Variants in CREB3L1 observed in about 807,000 individuals in gnomAD.
CREB3L1 encodes cAMP responsive element binding protein 3 like 1.
CREB3L1 carries 33 observed loss-of-function variants against 54.5 expected under a neutral mutation model. That is an observed-to-expected ratio of 0.61 (90% CI 0.46 to 0.81). CREB3L1 has a LOEUF of 0.81. Ranked by LOEUF, CREB3L1 falls within the 30% of genes least tolerant of loss-of-function variation. The pLI, the probability that CREB3L1 is intolerant of heterozygous loss-of-function variation, is 0.00. For synonymous variants in CREB3L1, 284 were observed against 286.4 expected, an observed-to-expected ratio of 0.99 and a Z score of 0.08; for missense variants, 656 against 673.3, an observed-to-expected ratio of 0.97 and a Z score of 0.29.
intron 9 of CREB3L1, 55 bp from the exon 10 acceptor site, chr11:46,317,306 A>C (rs1939582157): frequency 6.2e-7 from 1 of 1,606,876 alleles, no homozygotes; most frequent in Admixed American, 1.7e-5. Flanking sequence ...TGGGGTGGTC[A>C]GGGCCGTGGC....
chr11:46,298,859 G>C (rs1173821064), intron 1 of CREB3L1, among the ~76,000 whole-genome samples: 1 of 152,192 alleles, frequency 6.6e-6, no homozygotes, highest in Non-Finnish European at 1.5e-5. Flanking sequence ...GCCAGGGACT[G>C]TTATAAGGCC....
intron 8 of CREB3L1, among the ~76,000 whole-genome samples, chr11:46,314,932 T>C (rs947935172): frequency 1.3e-5 from 2 of 152,114 alleles, no homozygotes; most frequent in African/African-American, 4.8e-5. Context: ...GGTCTTGAAC[T>C]CTTGACTTCA....
rs547577352 is a variant in CREB3L1, at chr11:46,293,483, G to A, written c.103-6452G>A. On this transcript the variant is annotated intron_variant, in intron 1 of 11. Transcript: ENST00000621158. ...GTTACCAGTGTCAGGAGGGGCAATG[G>A]AAGGGCCAGACTAACAGGGCTAGGG... 2.0e-5 allele frequency among the ~76,000 whole-genome samples: 3 copies of A among 152,350 alleles called. No homozygotes were observed. In the South Asian group the frequency reaches 6.2e-4, roughly 32 times the overall value.
At position 46,312,639 on chromosome 11, in the gene CREB3L1, A is replaced by G; in HGVS notation, c.931A>G (p.Lys311Glu). 1.2e-6 allele frequency: 2 copies of G among 1,611,728 alleles called. No homozygotes were observed. Among genetic ancestry groups the G allele is most frequent in the Non-Finnish European group, 1.7e-6 (2 of 1,178,852 alleles). Residue 311 changes from lysine to glutamate, a missense_variant, in exon 7 of 12, where the codon AAG (lysine) becomes GAG (glutamate). Physicochemically the swap from Lys to Glu is moderately conservative, Grantham distance 56. Transcript: ENST00000621158. ...CTCAGCCCAGGAGAGCCGTCGTAAG[A>G]AGAAGGAGTATGTGGAGTGTCTAGA... ...KISAQESRRK[K>E]KEYVECLEKK...
chr11:46,309,586 G>A (rs1002282911), intron 3 of CREB3L1, among the ~76,000 whole-genome samples: 1 of 152,174 alleles, frequency 6.6e-6, no homozygotes, highest in Non-Finnish European at 1.5e-5. Context: ...GGAGCCCCCA[G>A]CCAATTAATG....
chr11:46,280,336 C>CGCCA lies in CREB3L1; in HGVS notation c.102+2124_102+2127dup, dbSNP rs1440374390. 2.0e-5 allele frequency among the ~76,000 whole-genome samples: 3 copies of CGCCA among 151,808 alleles called. No homozygotes were observed. The East Asian group carries it at 5.8e-4, about 29-fold the overall frequency. On this transcript the variant is annotated intron_variant, in intron 1 of 11. Transcript: ENST00000621158. Reference sequence around the variant, plus strand: ...CCGAGTAGCTGGGACTACAGGCACCCGCCACCACGCCCGGCTAATTTTTTT... The same window carrying CGCCA: ...CCGAGTAGCTGGGACTACAGGCACCCGCCAGCCACCACGCCCGGCTAATTTTTTT...
At position 46,311,200 on chromosome 11, in the gene CREB3L1, G is replaced by A. The variant is rs375270539; in HGVS notation, c.753+11G>A. 1.6e-4 allele frequency: 255 copies of A among 1,555,776 alleles called. 2 individuals are homozygous for A. The highest frequency in any genetic ancestry group is 2.0e-4 in the Non-Finnish European group (234 of 1,156,074). On this transcript the variant is annotated intron_variant, in intron 5 of 11. Transcript: ENST00000621158. ...CTCACTGCCCCTCACGTAAGGAGCT[G>A]GGGGTGGGCTGATCCCAGAAATGAG...
chr11:46,309,864 T>A (rs1433362993), intron 3 of CREB3L1, 125 bp from the exon 4 acceptor site: 1 of 721,520 alleles, frequency 1.4e-6, no homozygotes, highest in African/African-American at 1.8e-5. Flanking sequence ...TGCCCAGAAC[T>A]CCAAGCCCAG....
At position 46,307,797 on chromosome 11, in the gene CREB3L1, G is replaced by A; in HGVS notation, c.332-19G>A. 6.5e-7 allele frequency: 1 copy of A among 1,537,366 alleles called. No homozygotes were observed. ...AGACCTCTGCCCTAGAGTCCCCTGA[G>A]CCTTTCCCCTTCCCCTAGATGCAGA... On this transcript the variant is annotated intron_variant, in intron 2 of 11. Transcript: ENST00000621158.
intron 2 of CREB3L1, among the ~76,000 whole-genome samples, chr11:46,302,882 G>A (rs909286462): frequency 6.6e-6 from 1 of 152,166 alleles, no homozygotes; most frequent in Admixed American, 6.5e-5. Context: ...TCAGGAGGCT[G>A]AGGCAGGAGA....
At chr11:46,298,058 C>T (rs1050558474) in intron 1 of CREB3L1, among the ~76,000 whole-genome samples, 3 of 152,102 alleles carry the variant, frequency 2.0e-5, no homozygotes. Context: ...AACTGAGGCA[C>T]GGGGAAGTTA....
At chr11:46,298,863 T>C (rs1939250554) in intron 1 of CREB3L1, among the ~76,000 whole-genome samples, 1 of 152,216 alleles carries the variant, frequency 6.6e-6, no homozygotes, top group African/African-American at 2.4e-5. Context: ...GGGACTGTTA[T>C]AAGGCCTGTA....
intron 1 of CREB3L1, among the ~76,000 whole-genome samples, chr11:46,289,978 C>T (rs1939108064): frequency 6.6e-6 from 1 of 152,152 alleles, no homozygotes; most frequent in African/African-American, 2.4e-5. Context: ...AGGGACTCTC[C>T]CCCAGGGGGA....
chr11:46,312,952 C>A (rs761728451), intron 8 of CREB3L1, 33 bp downstream of exon 8: 1 of 1,516,784 alleles, frequency 6.6e-7, no homozygotes, highest in African/African-American at 1.4e-5. Flanking sequence ...AACCTGGCCC[C>A]CTGCCCCTCT....
rs573235678 is a variant in CREB3L1, at chr11:46,311,569, G to A, written c.753+380G>A. On this transcript the variant is annotated intron_variant, in intron 5 of 11. Coordinates refer to ENST00000621158, the MANE Select transcript of CREB3L1 (RefSeq NM_052854.4). ...GCCTGGAGTGCAGTGGCACGATCTC[G>A]GCTCACTGCAACCTCCACCTCCAGG... Among the ~76,000 whole-genome samples the A allele has an allele frequency of 1.8e-4, 27 of 150,910 alleles. 1 individual carries two copies. In the South Asian group the frequency reaches 5.0e-3, roughly 28 times the overall value.
intron 2 of CREB3L1, among the ~76,000 whole-genome samples, chr11:46,306,078 T>C (rs1939393133): frequency 6.6e-6 from 1 of 152,060 alleles, no homozygotes; most frequent in South Asian, 2.1e-4. Context: ...AGGGTCTCGC[T>C]CTGTCACCCA....
chr11:46,282,767 G>T (rs1187082813), intron 1 of CREB3L1, among the ~76,000 whole-genome samples: 1 of 152,168 alleles, frequency 6.6e-6, no homozygotes. Flanking sequence ...GAGAAAGTAA[G>T]TTCCATAAGA....
At position 46,278,124 on chromosome 11, in the gene CREB3L1, T is replaced by C. The variant is rs1202819363; in HGVS notation, c.13T>C (p.Leu5=). The C allele has an allele frequency of 1.3e-6, 2 of 1,558,562 alleles. No individual in the cohort carries two copies. Among genetic ancestry groups the C allele is most frequent in the Non-Finnish European group, 1.7e-6 (2 of 1,151,392 alleles). MDAV[L]EPFPADRLFP... is the part of the protein sequence containing the mutation. ...GGAGCCGGCTGCGATGGACGCCGTCTTGGAACCCTTCCCGGCCGACAGGCT... is the reference window on the plus strand; with the variant it reads ...GGAGCCGGCTGCGATGGACGCCGTCCTGGAACCCTTCCCGGCCGACAGGCT... The change falls in exon 1 of 12, where the codon TTG becomes CTG. Residue 5 remains leucine, a synonymous_variant. Coordinates refer to ENST00000621158, the MANE Select transcript of CREB3L1 (RefSeq NM_052854.4). This position sits in a 1 kb window ranked among gnomAD's most constrained non-coding sequence, Gnocchi z 4.2.
At chr11:46,292,090 G>A (rs371113848) in intron 1 of CREB3L1, among the ~76,000 whole-genome samples, 27 of 152,322 alleles carry the variant, frequency 1.8e-4, no homozygotes, top group African/African-American at 6.0e-4. Flanking sequence ...AGGGTCTGGG[G>A]GGACAGCAAT....
Sources: allele counts gnomAD v4.1 joint callset (sites outside exome capture counted in the v4.1 genomes callset), GRCh38; gene constraint gnomAD v4.1.1; non-coding constraint Gnocchi (gnomAD v3.1); transcripts MANE v1.5; gene names NCBI Gene and HGNC (gene_info 2026-07-23, HGNC 2026-07-21).